Variants in SNCAIP observed in about 807,000 individuals in gnomAD.
SNCAIP encodes synuclein alpha interacting protein.
Under a neutral mutation model 86.7 loss-of-function variants are expected in SNCAIP, and 43 were observed. The observed-to-expected ratio is 0.50, with a 90% CI of 0.39 to 0.64. The LOEUF (loss-of-function observed/expected upper bound fraction) is 0.64, where lower values mean the gene tolerates loss of function less well. Among genes scored for constraint, SNCAIP ranks in the 30% least tolerant of loss-of-function variants. SNCAIP has a pLI of 0.00. For synonymous variants in SNCAIP, 417 were observed against 427.2 expected, an observed-to-expected ratio of 0.98 and a Z score of 0.29; for missense variants, 981 against 1,103.1, an observed-to-expected ratio of 0.89 and a Z score of 1.57.
intron 1 of SNCAIP, among the ~76,000 whole-genome samples, chr5:122,319,998 C>G (rs1752597700): frequency 6.6e-6 from 1 of 152,236 alleles, no homozygotes; most frequent in South Asian, 2.1e-4. Context: ...AAGCTTAAGA[C>G]TTGTGCCACT....
At chr5:122,378,566 T>C (rs1580818720) in intron 1 of SNCAIP, among the ~76,000 whole-genome samples, 3 of 143,254 alleles carry the variant, frequency 2.1e-5, no homozygotes, top group Non-Finnish European at 4.6e-5. Context: ...TTGTCAATTT[T>C]GTCTTTTGTT....
At chr5:122,463,312 T>C (rs1437122144) in intron 10 of SNCAIP, among the ~76,000 whole-genome samples, 179 bp from the exon 11 acceptor site, 4 of 152,236 alleles carry the variant, frequency 2.6e-5, no homozygotes, top group Admixed American at 2.6e-4. Context: ...ACTATTGCTT[T>C]CATTGTTTAA....
chr5:122,327,271 C>T (rs952622606), intron 1 of SNCAIP, among the ~76,000 whole-genome samples: 4 of 152,018 alleles, frequency 2.6e-5, no homozygotes, highest in African/African-American at 7.3e-5. Flanking sequence ...GGAAATATCA[C>T]GTTATACCCA....
At chr5:122,401,965 C>T (rs758971832) in intron 2 of SNCAIP, among the ~76,000 whole-genome samples, 1 of 152,088 alleles carries the variant, frequency 6.6e-6, no homozygotes, top group Non-Finnish European at 1.5e-5. Flanking sequence ...GATAGCAGCT[C>T]ACCCATTTTA....
At chr5:122,435,330 A>G (rs1779194436) in intron 6 of SNCAIP, among the ~76,000 whole-genome samples, 2 of 152,214 alleles carry the variant, frequency 1.3e-5, no homozygotes, top group African/African-American at 4.8e-5. Flanking sequence ...AATTATCTCA[A>G]TTCAAAGCTA....
intron 1 of SNCAIP, among the ~76,000 whole-genome samples, chr5:122,382,988 T>C (rs1767235265): frequency 1.3e-5 from 2 of 152,116 alleles, no homozygotes; most frequent in Admixed American, 6.5e-5. Flanking sequence ...GTTACTGCTG[T>C]CTTTTTGTCT....
At chr5:122,370,929 C>T (rs1354723452) in intron 1 of SNCAIP, among the ~76,000 whole-genome samples, 1 of 152,142 alleles carries the variant, frequency 6.6e-6, no homozygotes, top group Non-Finnish European at 1.5e-5. Context: ...GACAATTTCT[C>T]AATTTATCAT....
chr5:122,326,413 TAACAA>T (rs1159587777), intron 1 of SNCAIP, among the ~76,000 whole-genome samples: 1 of 152,132 alleles, frequency 6.6e-6, no homozygotes, highest in African/African-American at 2.4e-5. Flanking sequence ...GAATGAAAAC[TAACAA>T]ATTCCCTAAA....
chr5:122,408,983 G>A (rs1773575350), intron 3 of SNCAIP, among the ~76,000 whole-genome samples: 1 of 152,136 alleles, frequency 6.6e-6, no homozygotes, highest in African/African-American at 2.4e-5. Flanking sequence ...ACAGTCTCCA[G>A]ACCCCCTGTG....
intron 1 of SNCAIP, among the ~76,000 whole-genome samples, chr5:122,366,287 G>A (rs374602136): frequency 6.6e-6 from 1 of 152,206 alleles, no homozygotes; most frequent in Admixed American, 6.5e-5. Context: ...ATGATGTTCA[G>A]CTGCTGAACA....
intron 5 of SNCAIP, among the ~76,000 whole-genome samples, chr5:122,429,532 G>T (rs1025382282): frequency 9.3e-5 from 14 of 150,742 alleles, no homozygotes; most frequent in African/African-American, 3.4e-4. Flanking sequence ...TCTGTGTTCT[G>T]TGTAAATGCC....
chr5:122,450,533 T>G lies in SNCAIP; in HGVS notation c.1686T>G (p.Ser562Arg). The G allele has an allele frequency of 6.2e-7, 1 of 1,611,092 alleles. No individual in the cohort carries two copies. Among genetic ancestry groups the G allele is most frequent in the Non-Finnish European group, 8.5e-7 (1 of 1,177,246 alleles). ...CATATGTCCTTCATCTTCTTTTTAG[T>G]TCACCATCCTCACCTGCCTCCAGAA... is the stretch of plus-strand genomic sequence containing the variant. ...SEGKSLPSSP[S>R]SPSSPASRKS... The change falls in exon 10 of 11, where the codon AGT becomes AGG. Residue 562 changes from serine (S) to arginine (R), a missense_variant and splice_region_variant. By Grantham distance (110) the Ser-to-Arg change is moderately radical. Transcript: ENST00000261368.
chr5:122,323,387 A>C (rs1316176748), intron 1 of SNCAIP: 1 of 152,262 alleles, frequency 6.6e-6, no homozygotes, highest in Non-Finnish European at 1.5e-5. Flanking sequence ...GCTAGGAAAT[A>C]CAGCAGAGCT....
intron 1 of SNCAIP, among the ~76,000 whole-genome samples, chr5:122,346,621 AT>A (rs1758663689): frequency 6.6e-6 from 1 of 152,082 alleles, no homozygotes; most frequent in East Asian, 1.9e-4. Context: ...CAAAGAATAG[AT>A]TTGTAGACTA....
chr5:122,463,751 T>C lies in SNCAIP; in HGVS notation c.*255T>C, dbSNP rs1561834836. 1 of 451,304 alleles carries C rather than the reference T, an allele frequency of 2.2e-6. No individual in the cohort carries two copies. Among genetic ancestry groups the C allele is most frequent in the Non-Finnish European group, 3.9e-6 (1 of 255,654 alleles). 28.0% of individuals were successfully genotyped at this position (451,304 alleles called of 1,614,324 possible). On this transcript the variant is annotated 3_prime_UTR_variant, in exon 11 of 11. Transcript: ENST00000261368. ...AAAAGATTCATTTTGGGGTGATATC[T>C]GTATATATAACTTGTTTTTTTAAAA... is the stretch of plus-strand genomic sequence containing the variant.
At chr5:122,403,948 C>A in intron 3 of SNCAIP, 83 bp downstream of exon 3, 1 of 1,001,176 alleles carries the variant, frequency 1.0e-6, no homozygotes, top group Non-Finnish European at 1.6e-6. Context: ...CACACTGGTC[C>A]CCCCTGCTTT....
At chr5:122,453,848 C>T (rs1305387633) in intron 10 of SNCAIP, among the ~76,000 whole-genome samples, 1 of 151,530 alleles carries the variant, frequency 6.6e-6, no homozygotes, top group African/African-American at 2.4e-5. Context: ...CAACCTCTGC[C>T]TCCCGGGTTC....
At chr5:122,402,359 T>A (rs1486286896) in intron 2 of SNCAIP, among the ~76,000 whole-genome samples, 1 of 151,992 alleles carries the variant, frequency 6.6e-6, no homozygotes, top group Admixed American at 6.6e-5. Flanking sequence ...TACTTACAGG[T>A]TAATTTTGGG....
intron 3 of SNCAIP, among the ~76,000 whole-genome samples, chr5:122,407,083 A>G (rs1773157805): frequency 1.3e-5 from 2 of 152,214 alleles, no homozygotes; most frequent in South Asian, 4.1e-4. Context: ...CAAGACAGAC[A>G]AGGCCTCTGT....
Sources: gnomAD v4.1 joint callset for allele counts (sites outside exome capture counted in the v4.1 genomes callset) on GRCh38, gnomAD v4.1.1 for gene constraint, MANE v1.5 for transcripts, NCBI Gene and HGNC (gene_info 2026-07-23, HGNC 2026-07-21) for gene names.